Variants in NHSL1 observed in about 807,000 individuals in gnomAD.
NHSL1 encodes NHS-like protein 1.
A neutral mutation model predicts 95.0 loss-of-function variants in NHSL1; 48 were observed. The observed-to-expected ratio is 0.51, with a 90% CI of 0.40 to 0.64. NHSL1 has a LOEUF of 0.64. Ranked by LOEUF, NHSL1 falls within the 30% of genes least tolerant of loss-of-function variation. The pLI is 0.00. For missense variants in NHSL1, 1,971 were observed against 2,077.7 expected, an observed-to-expected ratio of 0.95 and a Z score of 1.00; for synonymous variants, 783 against 833.9, an observed-to-expected ratio of 0.94 and a Z score of 1.05.
intron 1 of NHSL1, among the ~76,000 whole-genome samples, chr6:138,652,723 G>A (rs1785108835): frequency 6.6e-6 from 1 of 152,052 alleles, no homozygotes; most frequent in African/African-American, 2.4e-5. Flanking sequence ...ACCTCTAAAA[G>A]GGGAGAAACA....
chr6:138,591,401 A>G (rs1784224762), intron 1 of NHSL1, among the ~76,000 whole-genome samples: 2 of 152,172 alleles, frequency 1.3e-5, no homozygotes, highest in Admixed American at 1.3e-4. Flanking sequence ...TCAACAATTC[A>G]TAAGTTTTCT....
At chr6:138,558,915 G>A (rs1030760946) in intron 1 of NHSL1, among the ~76,000 whole-genome samples, 7 of 152,112 alleles carry the variant, frequency 4.6e-5, no homozygotes, top group Admixed American at 1.3e-4. Flanking sequence ...CAGGCATGGC[G>A]GCAGGCCCCT....
intron 1 of NHSL1, among the ~76,000 whole-genome samples, chr6:138,612,341 A>G (rs976679741): frequency 6.6e-6 from 1 of 152,172 alleles, no homozygotes; most frequent in South Asian, 2.1e-4. Context: ...TACCCAAAAA[A>G]CAAAGCCAGA....
At chr6:138,427,286 G>A (rs951187078) in intron 7 of NHSL1, among the ~76,000 whole-genome samples, 2 of 151,998 alleles carry the variant, frequency 1.3e-5, no homozygotes, top group Non-Finnish European at 2.9e-5. Context: ...CTACAAATAC[G>A]AAAATTAGCC....
At chr6:138,691,576 C>G (rs1333213768) in intron 1 of NHSL1, among the ~76,000 whole-genome samples, 3 of 152,162 alleles carry the variant, frequency 2.0e-5, no homozygotes, top group Admixed American at 2.0e-4. Flanking sequence ...CCCCTCCCAC[C>G]CAGCAATCCA....
chr6:138,437,898 A>C (rs1474270006), intron 5 of NHSL1, among the ~76,000 whole-genome samples: 6 of 152,218 alleles, frequency 3.9e-5, no homozygotes, highest in Non-Finnish European at 7.3e-5. Context: ...TTTCATGATC[A>C]AACTTGAACA....
At chr6:138,503,361 T>C (rs9495094), upstream of NHSL1, among the ~76,000 whole-genome samples, 21,698 of 152,146 alleles carry the variant, frequency 0.14, 2,853 homozygotes, top group East Asian at 0.38. Flanking sequence ...CCCTTGAAAC[T>C]TGAATGGTTT....
chr6:138,442,614 G>GA (rs1776602232), intron 4 of NHSL1, among the ~76,000 whole-genome samples: 2 of 152,198 alleles, frequency 1.3e-5, no homozygotes, highest in Admixed American at 1.3e-4. Flanking sequence ...CAAGGAGGCT[G>GA]ACAATTTGGA....
At chr6:138,598,239 A>T (rs1784326124) in intron 1 of NHSL1, among the ~76,000 whole-genome samples, 1 of 152,108 alleles carries the variant, frequency 6.6e-6, no homozygotes, top group Admixed American at 6.5e-5. Context: ...TAGATGGATC[A>T]CTTGAGGCCA....
chr6:138,661,967 G>A (rs1440912900), intron 1 of NHSL1, among the ~76,000 whole-genome samples: 3 of 152,014 alleles, frequency 2.0e-5, no homozygotes, highest in African/African-American at 7.2e-5. Flanking sequence ...TCAGCTACTT[G>A]AGAGGCTGAG....
At chr6:138,584,399 GT>G (rs1784103626) in intron 1 of NHSL1, among the ~76,000 whole-genome samples, 1 of 152,056 alleles carries the variant, frequency 6.6e-6, no homozygotes, top group African/African-American at 2.4e-5. Context: ...ATCTTTGTAT[GT>G]TTTTCTCTTC....
intron 2 of NHSL1, among the ~76,000 whole-genome samples, chr6:138,485,142 TC>T (rs1779646008): frequency 6.6e-6 from 1 of 152,140 alleles, no homozygotes; most frequent in African/African-American, 2.4e-5. Context: ...TTACTCAAGA[TC>T]AAATCGCCTG....
intron 1 of NHSL1, chr6:138,512,168 G>A (rs1353613336): frequency 5.3e-6 from 2 of 377,422 alleles, no homozygotes; most frequent in Admixed American, 6.9e-5. Flanking sequence ...GCTGCTGAGG[G>A]CAGTTTTAAA....
chr6:138,618,954 C>A (rs1784617423), intron 1 of NHSL1, among the ~76,000 whole-genome samples: 1 of 152,236 alleles, frequency 6.6e-6, no homozygotes, highest in African/African-American at 2.4e-5. Flanking sequence ...GGGTGTCACT[C>A]TACCTGCTGC....
At position 138,470,188 on chromosome 6, in the gene NHSL1, C is replaced by G. The variant is rs191471071; in HGVS notation, c.339+3118G>C. On this transcript the variant is annotated intron_variant, in intron 3 of 7. Coordinates refer to ENST00000343505, the MANE Select transcript of NHSL1 (RefSeq NM_001144060.2). ...TCTAATATACTTCAACTTGGTTCTA[C>G]TTATTTAAGAAAAGGAAAAATACAA... is the stretch of plus-strand genomic sequence containing the variant. Among the ~76,000 whole-genome samples, 267 of 152,232 alleles carry G rather than the reference C, an allele frequency of 1.8e-3. 1 individual carries two copies. The highest frequency in any genetic ancestry group is 2.5e-3 in the Non-Finnish European group (173 of 68,012).
chr6:138,633,351 A>G (rs1473854450), intron 1 of NHSL1, among the ~76,000 whole-genome samples: 1 of 152,228 alleles, frequency 6.6e-6, no homozygotes, highest in Non-Finnish European at 1.5e-5. Context: ...AAGGTTATAT[A>G]GAACATCAAG....
At chr6:138,630,689 T>C (rs575024018) in intron 1 of NHSL1, among the ~76,000 whole-genome samples, 1 of 152,256 alleles carries the variant, frequency 6.6e-6, no homozygotes, top group East Asian at 1.9e-4. Flanking sequence ...CAGCCTTAAG[T>C]TTCCATTTTT....
intron 1 of NHSL1, among the ~76,000 whole-genome samples, chr6:138,510,786 A>T (rs1274439091): frequency 6.6e-6 from 1 of 152,230 alleles, no homozygotes; most frequent in African/African-American, 2.4e-5. Flanking sequence ...TAATAAGTAA[A>T]CATCAAATAA....
intron 1 of NHSL1, among the ~76,000 whole-genome samples, chr6:138,614,994 G>A (rs9495158): frequency 0.11 from 15,887 of 147,584 alleles, 1,754 homozygotes; most frequent in African/African-American, 0.28. Context: ...AAAAGGTTGA[G>A]GACCACTGCC....
Sources: allele counts gnomAD v4.1 joint callset (sites outside exome capture counted in the v4.1 genomes callset), GRCh38; gene constraint gnomAD v4.1.1; transcripts MANE v1.5; gene names NCBI Gene and HGNC (gene_info 2026-07-23, HGNC 2026-07-21).